Variants in DAB1 observed in about 807,000 individuals in gnomAD.
DAB1 encodes disabled homolog 1.
In DAB1, 15 loss-of-function variants were observed where a neutral mutation model predicts 64.6. The observed-to-expected ratio is 0.23, with a 90% confidence interval of 0.16 to 0.36. The LOEUF is 0.36. Among genes scored for constraint, DAB1 ranks in the 10% least tolerant of loss-of-function variants. The pLI, the probability that DAB1 is intolerant of heterozygous loss-of-function variation, is 1.00. For synonymous variants in DAB1, 235 were observed against 251.9 expected, an observed-to-expected ratio of 0.93 and a Z score of 0.64; for missense variants, 596 against 706.7, an observed-to-expected ratio of 0.84 and a Z score of 1.78.
intron 4 of DAB1, among the ~76,000 whole-genome samples, chr1:57,100,460 T>C (rs1259860736): frequency 6.6e-6 from 1 of 152,150 alleles, no homozygotes. Context: ...CCAGTCTCCA[T>C]CCTCAGGTTG....
At chr1:58,127,285 C>T (rs1415927030) in intron 5 of DAB1, among the ~76,000 whole-genome samples, 3 of 152,128 alleles carry the variant, frequency 2.0e-5, no homozygotes, top group South Asian at 2.1e-4. Flanking sequence ...TCATGTTCCT[C>T]GCCCACTTTT....
intron 9 of DAB1, among the ~76,000 whole-genome samples, chr1:57,053,109 A>G (rs1018572121): frequency 6.6e-6 from 1 of 152,234 alleles, no homozygotes; most frequent in African/African-American, 2.4e-5. Flanking sequence ...GATGGCCGCT[A>G]TTCCCATTTT....
At chr1:58,106,564 C>T (rs1173498588) in intron 5 of DAB1, among the ~76,000 whole-genome samples, 3 of 152,020 alleles carry the variant, frequency 2.0e-5, no homozygotes, top group African/African-American at 7.3e-5. Flanking sequence ...CACTGAAGAC[C>T]CAGAAAATGA....
chr1:57,448,545 C>T lies in DAB1; in HGVS notation n.626-157379G>A, dbSNP rs531113520. 7.9e-5 allele frequency among the ~76,000 whole-genome samples: 12 copies of T among 152,248 alleles called. No homozygotes were observed. The East Asian group carries it at 1.9e-3, about 24-fold the overall frequency. On this transcript the variant is annotated intron_variant and non_coding_transcript_variant, in intron 7 of 20. Coordinates refer to the DAB1 transcript ENST00000485760. ...AATTATTATATTGAACAAATAATCA[C>T]AAGATTTGTCACCTTTGATGGATTT...
At chr1:57,699,498 C>A (rs922079682) in intron 6 of DAB1, among the ~76,000 whole-genome samples, 1 of 152,166 alleles carries the variant, frequency 6.6e-6, no homozygotes, top group Non-Finnish European at 1.5e-5. Flanking sequence ...TCTAACTATT[C>A]TGCCCATATA....
At chr1:57,582,135 C>T (rs1645320683) in intron 7 of DAB1, among the ~76,000 whole-genome samples, 1 of 152,166 alleles carries the variant, frequency 6.6e-6, no homozygotes. Flanking sequence ...AAGCTATTCA[C>T]CTCCTGTATT....
chr1:57,288,316 G>A (rs1051545875), intron 2 of DAB1, among the ~76,000 whole-genome samples: 4 of 152,162 alleles, frequency 2.6e-5, no homozygotes, highest in East Asian at 3.8e-4. Flanking sequence ...AGAGGATGGG[G>A]GATGGGGGAG....
At chr1:57,800,855 T>G (rs1651091470) in intron 6 of DAB1, among the ~76,000 whole-genome samples, 1 of 152,216 alleles carries the variant, frequency 6.6e-6, no homozygotes, top group Non-Finnish European at 1.5e-5. Context: ...TGGATGTGAC[T>G]GTCTTAGCTC....
intron 10 of DAB1, 53 bp downstream of exon 10, chr1:57,025,928 T>A (rs1354179172): frequency 2.3e-5 from 32 of 1,399,160 alleles, no homozygotes; most frequent in Non-Finnish European, 3.1e-5. Context: ...ACTGAGGGGA[T>A]GTGTAAAGAA....
intron 4 of DAB1, among the ~76,000 whole-genome samples, chr1:57,080,309 A>G (rs1276031261): frequency 6.6e-6 from 1 of 152,196 alleles, no homozygotes; most frequent in Non-Finnish European, 1.5e-5. Context: ...TGAATCTGTC[A>G]GCAGGATCCT....
chr1:57,462,524 T>C (rs1686818556), intron 7 of DAB1, among the ~76,000 whole-genome samples: 1 of 152,230 alleles, frequency 6.6e-6, no homozygotes, highest in African/African-American at 2.4e-5. Flanking sequence ...GAATGAATTC[T>C]ATATCTTCAA....
intron 7 of DAB1, among the ~76,000 whole-genome samples, chr1:57,502,365 T>C (rs1050457707): frequency 6.7e-6 from 1 of 148,618 alleles, no homozygotes; most frequent in Non-Finnish European, 1.5e-5. Context: ...CCCACTATAG[T>C]AGGACAGTCA....
intron 2 of DAB1, among the ~76,000 whole-genome samples, chr1:58,524,570 T>C (rs111266154): frequency 6.6e-6 from 1 of 152,252 alleles, no homozygotes; most frequent in African/African-American, 2.4e-5. Flanking sequence ...AAGGTTTTCA[T>C]GCTTGCTGGT....
At position 58,384,735 on chromosome 1, in the gene DAB1, A is replaced by G. The variant is rs113444724; in HGVS notation, n.258-41332T>C. Among the ~76,000 whole-genome samples the G allele has an allele frequency of 4.1e-3, 632 of 152,338 alleles. 3 individuals carry two copies. Among genetic ancestry groups the G allele is most frequent in the African/African-American group, 0.014 (601 of 41,586 alleles). ...GGCCAAAGGCCCAAAGGCCCCTGGA[A>G]AACCAGTGGTGTAAGTCCAAGAGTC... On this transcript the variant is annotated intron_variant and non_coding_transcript_variant, in intron 3 of 20. Transcript: ENST00000485760.
chr1:57,544,958 A>C (rs757515182), intron 7 of DAB1, among the ~76,000 whole-genome samples: 1 of 152,204 alleles, frequency 6.6e-6, no homozygotes, highest in Non-Finnish European at 1.5e-5. Context: ...TCTCTATAGC[A>C]GTGTGGGAAT....
chr1:57,774,155 C>T (rs3131746), intron 6 of DAB1, among the ~76,000 whole-genome samples: 1 of 151,530 alleles, frequency 6.6e-6, no homozygotes, highest in Admixed American at 6.6e-5. Flanking sequence ...CCCATTTATT[C>T]AAATCTTAAA....
chr1:57,499,036 C>T (rs551959559), intron 7 of DAB1, among the ~76,000 whole-genome samples: 16 of 152,204 alleles, frequency 1.1e-4, no homozygotes, highest in African/African-American at 3.6e-4. Flanking sequence ...GGTGCAGTGG[C>T]GTGATCTCAG....
chr1:58,275,037 C>G (rs745853083), intron 4 of DAB1, among the ~76,000 whole-genome samples: 2 of 152,210 alleles, frequency 1.3e-5, no homozygotes, highest in Non-Finnish European at 2.9e-5. Context: ...TCCCCCTATA[C>G]TCAAATGATT....
Position 56,994,843 on chromosome 1 carries a change from T to C in DAB1, c.*3301A>G, listed in dbSNP as rs1008018812. ...GTGTGTTACAGAAATTAATGGAAAATTTCTAAAAATTTTGCTGTTCTGTTG... is the reference window on the plus strand; with the variant it reads ...GTGTGTTACAGAAATTAATGGAAAACTTCTAAAAATTTTGCTGTTCTGTTG... On this transcript the variant is annotated 3_prime_UTR_variant, in exon 15 of 15. Coordinates refer to ENST00000371236, the MANE Select transcript of DAB1 (RefSeq NM_001365792.1). The C allele has an allele frequency of 6.6e-6, 1 of 152,220 alleles. No individual in the cohort carries two copies. The highest frequency in any genetic ancestry group is 1.5e-5 in the Non-Finnish European group (1 of 68,032). The allele number at this position is 152,220 out of a possible 1,614,324, so 9.4% of individuals were successfully genotyped here.
Sources: allele counts gnomAD v4.1 joint callset (sites outside exome capture counted in the v4.1 genomes callset), GRCh38; gene constraint gnomAD v4.1.1; transcripts MANE v1.5; gene names NCBI Gene and HGNC (gene_info 2026-07-23, HGNC 2026-07-21).